The following XKR6 variants were observed in gnomAD, a reference collection of about 807,000 sequenced individuals.
XKR6 encodes XK related 6.
Under a neutral mutation model 56.7 loss-of-function variants are expected in XKR6, and 22 were observed. The observed-to-expected ratio is 0.39, with a 90% confidence interval of 0.28 to 0.55. XKR6 has a LOEUF of 0.55. XKR6 is among the 20% of genes least tolerant of loss of function. XKR6 has a pLI of 0.66. For missense variants in XKR6, 852 were observed against 889.0 expected (o/e 0.96, Z 0.53); for synonymous variants, 524 against 387.8 (o/e 1.35, Z -4.13).
At chr8:11,015,513 G>T (rs368387461) in intron 1 of XKR6, among the ~76,000 whole-genome samples, 1 of 152,190 alleles carries the variant, frequency 6.6e-6, no homozygotes, top group African/African-American at 2.4e-5. Flanking sequence ...TCTGAAGAGA[G>T]TTAGGGGAAG....
intron 2 of XKR6, among the ~76,000 whole-genome samples, chr8:10,921,473 AAC>A (rs1800715993): frequency 6.6e-6 from 1 of 152,228 alleles, no homozygotes; most frequent in Non-Finnish European, 1.5e-5. Context: ...GGAAATGATA[AAC>A]ACAGCCCCTT....
chr8:11,098,953 T>C (rs1697545436), intron 1 of XKR6, among the ~76,000 whole-genome samples: 2 of 152,278 alleles, frequency 1.3e-5, no homozygotes, highest in African/African-American at 4.8e-5. Flanking sequence ...CATGTAGGTG[T>C]AACATAGAAA....
chr8:11,146,904 ATG>A (rs1801012731), intron 1 of XKR6, among the ~76,000 whole-genome samples: 1 of 152,084 alleles, frequency 6.6e-6, no homozygotes, highest in South Asian at 2.1e-4. Context: ...TCTCACTTAT[ATG>A]TGGAATCTAA....
chr8:10,979,486 G>A (rs981236045), intron 1 of XKR6, among the ~76,000 whole-genome samples: 4 of 152,066 alleles, frequency 2.6e-5, no homozygotes, highest in Non-Finnish European at 5.9e-5. Flanking sequence ...ACCAGAGCCA[G>A]TCCCTTTCAC....
chr8:11,018,736 G>A (rs1176805465), intron 1 of XKR6, among the ~76,000 whole-genome samples: 1 of 152,030 alleles, frequency 6.6e-6, no homozygotes, highest in Non-Finnish European at 1.5e-5. Flanking sequence ...CCTGAAACAT[G>A]GTCCATTAAG....
At chr8:11,174,575 T>G (rs11986533) in intron 1 of XKR6, among the ~76,000 whole-genome samples, 26,950 of 152,160 alleles carry the variant, frequency 0.18, 3,975 homozygotes, top group African/African-American at 0.41. Flanking sequence ...ATATTGTAAT[T>G]ATTAGAAGAT....
chr8:11,147,413 C>T (rs1801039636), intron 1 of XKR6, among the ~76,000 whole-genome samples: 1 of 152,132 alleles, frequency 6.6e-6, no homozygotes. Context: ...CGCCTGTAAT[C>T]CCAGCACTTT....
rs556814423 is a variant in XKR6, at chr8:11,149,271, G to C, written c.764+51305C>G. On this transcript the variant is annotated intron_variant, in intron 1 of 2. Coordinates refer to ENST00000416569, the MANE Select transcript of XKR6 (RefSeq NM_173683.4). ...CTCTATATACAGCCTATTGCTCCTA[G>C]GCTACAAACCTGCATGGCAGGCTAC... Among the ~76,000 whole-genome samples the C allele has an allele frequency of 5.3e-5, 8 of 152,294 alleles. No homozygotes were observed. In the East Asian group the frequency reaches 1.5e-3, roughly 29 times the overall value.
rs574656009 is a variant in XKR6, at chr8:10,967,505, G to A, written c.765-42675C>T. ...TACAGGAGCCAAGACCAGGTGGACA[G>A]TGCAGGCAGCACTGAGGCAGAGGTC... On this transcript the variant is annotated intron_variant, in intron 1 of 2. Transcript: ENST00000416569. Among the ~76,000 whole-genome samples the A allele has an allele frequency of 7.3e-4, 111 of 152,362 alleles. 2 individuals are homozygous for A. The highest frequency in any genetic ancestry group is 5.9e-4 in the Non-Finnish European group (40 of 68,042).
intron 1 of XKR6, among the ~76,000 whole-genome samples, chr8:10,965,849 C>T (rs968329934): frequency 1.3e-5 from 2 of 152,214 alleles, no homozygotes; most frequent in Non-Finnish European, 2.9e-5. Flanking sequence ...CTGGCCCGGG[C>T]CGAGTCCACA....
At chr8:10,928,129 C>T (rs1800950997) in intron 1 of XKR6, among the ~76,000 whole-genome samples, 1 of 152,188 alleles carries the variant, frequency 6.6e-6, no homozygotes, top group African/African-American at 2.4e-5. Flanking sequence ...TAGTCCAACC[C>T]CCACTTTATA....
intron 1 of XKR6, among the ~76,000 whole-genome samples, chr8:11,067,966 T>C (rs1273463801): frequency 1.3e-5 from 2 of 152,352 alleles, no homozygotes; most frequent in East Asian, 1.9e-4. Flanking sequence ...AGTGAGTGAA[T>C]GTGGGGTGGT....
chr8:10,979,895 G>C (rs1274683772), intron 1 of XKR6, among the ~76,000 whole-genome samples: 5 of 152,180 alleles, frequency 3.3e-5, no homozygotes, highest in Non-Finnish European at 5.9e-5. Flanking sequence ...TGGTGTTTGG[G>C]GGACTTATAA....
intron 1 of XKR6, among the ~76,000 whole-genome samples, chr8:10,928,439 A>G (rs1316865901): frequency 6.6e-6 from 1 of 152,256 alleles, no homozygotes; most frequent in African/African-American, 2.4e-5. Context: ...GGAGGAAGGC[A>G]TAAGCCATGT....
chr8:11,140,429 G>A (rs1282163683), intron 1 of XKR6, among the ~76,000 whole-genome samples: 2 of 152,176 alleles, frequency 1.3e-5, no homozygotes, highest in Non-Finnish European at 2.9e-5. Context: ...CTTACAGAGG[G>A]AAATATCACT....
At chr8:11,095,494 C>T (rs1798239684) in intron 1 of XKR6, among the ~76,000 whole-genome samples, 1 of 152,156 alleles carries the variant, frequency 6.6e-6, no homozygotes, top group Non-Finnish European at 1.5e-5. Context: ...TTTTAGGCAC[C>T]AGTGCAATTT....
At chr8:11,018,511 G>A (rs1476612236) in intron 1 of XKR6, among the ~76,000 whole-genome samples, 2 of 152,226 alleles carry the variant, frequency 1.3e-5, no homozygotes, top group Non-Finnish European at 2.9e-5. Context: ...TCCCCAGGGA[G>A]AGGAGGACAA....
intron 1 of XKR6, among the ~76,000 whole-genome samples, chr8:11,070,131 T>A (rs958890476): frequency 7.2e-5 from 11 of 152,178 alleles, no homozygotes; most frequent in African/African-American, 2.7e-4. Flanking sequence ...GTGTGAGAAA[T>A]ACAAAGAAGA....
Position 10,897,992 on chromosome 8 carries a change from G to A in XKR6, c.1886C>T (p.Pro629Leu). ...TAVGIRYRDG[P>L]LLYELLQYES... ...ATACTGTAGCAACTCATAGAGGAGT[G>A]GTCCGTCTCGATATCGAATGCCTAC... The change falls in exon 3 of 3, where the codon CCA becomes CTA. Residue 629 changes from proline (P) to leucine (L), a missense_variant. By Grantham distance (98) the Pro-to-Leu change is moderately conservative (BLOSUM62 -3). Coordinates refer to ENST00000416569, the MANE Select transcript of XKR6 (RefSeq NM_173683.4). The A allele has an allele frequency of 1.2e-6, 2 of 1,608,958 alleles. No individual in the cohort carries two copies. The highest frequency in any genetic ancestry group is 2.2e-5 in the South Asian group (2 of 90,340).
Sources: allele counts gnomAD v4.1 joint callset (sites outside exome capture counted in the v4.1 genomes callset), GRCh38; gene constraint gnomAD v4.1.1; transcripts MANE v1.5; gene names NCBI Gene and HGNC (gene_info 2026-07-23, HGNC 2026-07-21).